The following BSN variants were observed in gnomAD, a reference collection of about 807,000 sequenced individuals.
The protein encoded by BSN is bassoon presynaptic cytomatrix protein.
Under a neutral mutation model 264.8 loss-of-function variants are expected in BSN, and 57 were observed. That is an observed-to-expected ratio of 0.22 (90% confidence interval 0.17 to 0.27). The LOEUF is 0.27. Ranked by LOEUF, BSN falls within the 10% of genes least tolerant of loss-of-function variation. The pLI, the probability that BSN is intolerant of heterozygous loss-of-function variation, is 1.00. For synonymous variants in BSN, 2,059 were observed against 2,137.3 expected, an observed-to-expected ratio of 0.96 and a Z score of 1.01; for missense variants, 4,615 against 5,232.5, an observed-to-expected ratio of 0.88 and a Z score of 3.64.
chr3:49,590,970 G>A (rs1377682445), intron 1 of BSN, among the ~76,000 whole-genome samples: 1 of 151,558 alleles, frequency 6.6e-6, no homozygotes, highest in East Asian at 1.9e-4. Flanking sequence ...AATTAGCCCT[G>A]GGAGGCAGGA....
chr3:49,662,785 C>T, intron 6 of BSN, 91 bp from the exon 7 acceptor site: 1 of 1,475,298 alleles, frequency 6.8e-7, no homozygotes, highest in Non-Finnish European at 9.0e-7. Context: ...GCTGTGGCAC[C>T]CACTCTCTTG....
intron 1 of BSN, among the ~76,000 whole-genome samples, chr3:49,621,468 A>G (rs759906593): frequency 6.6e-6 from 1 of 152,170 alleles, no homozygotes; most frequent in Non-Finnish European, 1.5e-5. Context: ...GAAATTCAGG[A>G]GAAGGTGGTA....
In BSN at chr3:49,651,539, G is replaced by A. The variant is rs1432017002; in HGVS notation, c.1987-4G>A. The stretch of plus-strand genomic sequence containing the variant: ...GTCAGTGTCTGCTTTTCACCCTGCT[G>A]CAGGACCTGGTGGGCAAGCCTTACT... On this transcript the variant is annotated splice_polypyrimidine_tract_variant and splice_region_variant and intron_variant, in intron 4 of 11. Coordinates refer to ENST00000296452, the MANE Select transcript of BSN (RefSeq NM_003458.4). The surrounding 1 kb of genome is among the most constrained non-coding windows in gnomAD (Gnocchi z 5.4). 1.3e-6 allele frequency: 2 copies of A among 1,551,414 alleles called. No individual in the cohort carries two copies. Among genetic ancestry groups the A allele is most frequent in the South Asian group, 1.2e-5 (1 of 80,130 alleles).
rs34989545 is a variant in BSN at position 49,585,199 on chromosome 3, GT to G, written c.224+30383del. On this transcript the variant is annotated intron_variant, in intron 1 of 11. Transcript: ENST00000296452. This position sits in a 1 kb window ranked among gnomAD's most constrained non-coding sequence, Gnocchi z 4.7. ...TCATATGGTAGCCCAATTTTTAGTTGTTTTTTTTTTAATTTTAATTTTTATT... is the reference window on the plus strand; with the variant it reads ...TCATATGGTAGCCCAATTTTTAGTTGTTTTTTTTTAATTTTAATTTTTATT... Among the ~76,000 whole-genome samples, 2 of 149,100 alleles carry G rather than the reference GT, an allele frequency of 1.3e-5. No individual in the cohort carries two copies. The highest frequency in any genetic ancestry group is 2.5e-5 in the African/African-American group (1 of 40,644).
At chr3:49,586,326 C>CTCTATCTATCTATCTATCTATCTA (rs59036596) in intron 1 of BSN, among the ~76,000 whole-genome samples, 2 of 149,496 alleles carry the variant, frequency 1.3e-5, no homozygotes, top group African/African-American at 2.5e-5. Context: ...GTTTTCCCAG[C>CTCTATCTATCTATCTATCTATCTA]TCTATCTATC....
At chr3:49,606,232 AT>A (rs1385774887) in intron 1 of BSN, among the ~76,000 whole-genome samples, 21 of 86,750 alleles carry the variant, frequency 2.4e-4, no homozygotes, top group African/African-American at 3.8e-4. Context: ...ATATACATAT[AT>A]TATATATGTA....
At chr3:49,557,896 G>A (rs893435674) in intron 1 of BSN, among the ~76,000 whole-genome samples, 3 of 152,192 alleles carry the variant, frequency 2.0e-5, no homozygotes, top group Admixed American at 1.3e-4. Flanking sequence ...TTTGCAAATT[G>A]ATATCTAGTC....
rs1553662015 is a variant in BSN, at chr3:49,606,165, C to CAT, written c.225-18805_225-18804dup. ...ATTATATATGTATATATTATATATA[C>CAT]ATATATTATATATGTATATATATTA... On this transcript the variant is annotated intron_variant, in intron 1 of 11. Transcript: ENST00000296452. 4.1e-4 allele frequency among the ~76,000 whole-genome samples: 12 copies of CAT among 29,360 alleles called. 2 individuals are homozygous for CAT. Among genetic ancestry groups the CAT allele is most frequent in the East Asian group, 1.8e-3 (1 of 562 alleles). 19.3% of individuals were successfully genotyped at this position (29,360 alleles called of 152,430 possible).
At chr3:49,578,208 A>G (rs1271240712) in intron 1 of BSN, among the ~76,000 whole-genome samples, 2 of 152,016 alleles carry the variant, frequency 1.3e-5, no homozygotes, top group Non-Finnish European at 2.9e-5. Context: ...TTGCCCACCT[A>G]GGATGGTCTC....
At chr3:49,568,838 G>C (rs1308135298) in intron 1 of BSN, among the ~76,000 whole-genome samples, 1 of 152,174 alleles carries the variant, frequency 6.6e-6, no homozygotes, top group East Asian at 1.9e-4. Context: ...AAGCAAAATG[G>C]TAAATGTATA....
In BSN at chr3:49,652,004, G is replaced by A; in HGVS notation, c.2448G>A (p.Glu816=). ...FGSQLRHDYV[E]DSSEGGLSPL... ...GCCAATTGAGGCACGACTATGTGGAGGACAGCAGTGAGGGTGGCCTGTCCC... is the reference window on the plus strand; with the variant it reads ...GCCAATTGAGGCACGACTATGTGGAAGACAGCAGTGAGGGTGGCCTGTCCC... The change falls in exon 5 of 12, where the codon GAG becomes GAA. Residue 816 remains glutamate, a synonymous_variant. Transcript: ENST00000296452. The A allele has an allele frequency of 6.2e-7, 1 of 1,613,200 alleles. No homozygotes were observed. The highest frequency in any genetic ancestry group is 1.1e-5 in the South Asian group (1 of 90,970).
chr3:49,614,459 A>G (rs917417323), intron 1 of BSN, among the ~76,000 whole-genome samples: 1 of 152,190 alleles, frequency 6.6e-6, no homozygotes, highest in African/African-American at 2.4e-5. Flanking sequence ...GCCATGGGAT[A>G]GAGGTAAAAA....
intron 1 of BSN, among the ~76,000 whole-genome samples, chr3:49,619,633 G>A (rs2052288695): frequency 6.6e-6 from 1 of 152,242 alleles, no homozygotes; most frequent in Non-Finnish European, 1.5e-5. Context: ...GTGACAGGTG[G>A]CTCATGGTGA....
In BSN at chr3:49,653,064, G is replaced by A. The variant is rs753086704; in HGVS notation, c.3508G>A (p.Gly1170Ser). Residue 1170 changes from glycine (G) to serine (S), a missense_variant, in exon 5 of 12, where the codon GGC (glycine) becomes AGC (serine). Physicochemically the swap from Gly to Ser is moderately conservative, Grantham distance 56. Coordinates refer to ENST00000296452, the MANE Select transcript of BSN (RefSeq NM_003458.4). The surrounding 1 kb of genome is among the most constrained non-coding windows in gnomAD (Gnocchi z 6.3). ...SLYSPTETPS[G>S]SSTTPSSGRP... ...CTACTCACCAACCGAGACACCCTCC[G>A]GCAGCTCCACCACTCCCAGTTCCGG... 9.3e-6 allele frequency: 15 copies of A among 1,613,346 alleles called. No homozygotes were observed. In the Admixed American group the frequency reaches 1.2e-4, roughly 13 times the overall value.
In BSN at chr3:49,642,189, C is replaced by A; in HGVS notation, c.634-79C>A. ...CCTGTGCTAGGAGTGGCCTTGGCTG[C>A]TGTGGGGCCTGCACTGACCTGGGCC... On this transcript the variant is annotated intron_variant, in intron 2 of 11. Coordinates refer to ENST00000296452, the MANE Select transcript of BSN (RefSeq NM_003458.4). This position sits in a 1 kb window ranked among gnomAD's most constrained non-coding sequence, Gnocchi z 7.0. The A allele has an allele frequency of 8.4e-7, 1 of 1,195,276 alleles. No individual in the cohort carries two copies. Among genetic ancestry groups the A allele is most frequent in the Non-Finnish European group, 1.1e-6 (1 of 889,770 alleles). 74.0% of individuals were successfully genotyped at this position (1,195,276 alleles called of 1,614,324 possible).
In BSN at chr3:49,654,383, A is replaced by T; in HGVS notation, c.4827A>T (p.Pro1609=). The T allele has an allele frequency of 6.2e-7, 1 of 1,605,484 alleles. No individual in the cohort carries two copies. Among genetic ancestry groups the T allele is most frequent in the African/African-American group, 1.3e-5 (1 of 74,980 alleles). The change falls in exon 5 of 12, where the codon CCA becomes CCT. Residue 1609 remains proline (P), a synonymous_variant. Coordinates refer to ENST00000296452, the MANE Select transcript of BSN (RefSeq NM_003458.4). This position sits in a 1 kb window ranked among gnomAD's most constrained non-coding sequence, Gnocchi z 4.1. ...GTGTGTCTCAGCTGCCCCCAGAGCCACCTGGGCCACCTGGCTTTCCACGGG... is the reference window on the plus strand; with the variant it reads ...GTGTGTCTCAGCTGCCCCCAGAGCCTCCTGGGCCACCTGGCTTTCCACGGG... ...PPSVSQLPPE[P]PGPPGFPRVP...
At chr3:49,665,557 C>T (rs1259322370) in intron 11 of BSN, among the ~76,000 whole-genome samples, 1 of 152,234 alleles carries the variant, frequency 6.6e-6, no homozygotes, top group African/African-American at 2.4e-5. Context: ...GCTAACTGCA[C>T]CTCACAACTT....
intron 1 of BSN, among the ~76,000 whole-genome samples, chr3:49,615,457 T>C (rs2052253008): frequency 6.6e-6 from 1 of 152,082 alleles, no homozygotes; most frequent in South Asian, 2.1e-4. Context: ...AAACTTACCA[T>C]CAGAGTGGGA....
chr3:49,593,280 A>G (rs2051994506), intron 1 of BSN, among the ~76,000 whole-genome samples: 1 of 152,178 alleles, frequency 6.6e-6, no homozygotes, highest in Non-Finnish European at 1.5e-5. Flanking sequence ...CATGTATCAC[A>G]GTTTGTTCAA....
Sources: gnomAD v4.1 joint callset for allele counts (sites outside exome capture counted in the v4.1 genomes callset) on GRCh38, gnomAD v4.1.1 for gene constraint, Gnocchi (gnomAD v3.1) non-coding constraint, MANE v1.5 for transcripts, NCBI Gene and HGNC (gene_info 2026-07-23, HGNC 2026-07-21) for gene names.